MCMBP: variants seen among roughly 807,000 people sequenced by gnomAD.
MCMBP encodes minichromosome maintenance complex binding protein, also known as mini-chromosome maintenance complex-binding protein.
Under a neutral mutation model 81.3 loss-of-function variants are expected in MCMBP, and 31 were observed. That is an observed-to-expected ratio of 0.38 (90% CI 0.29 to 0.51). The LOEUF (loss-of-function observed/expected upper bound fraction) is 0.51, where lower values mean the gene tolerates loss of function less well. Among genes scored for constraint, MCMBP ranks in the 20% least tolerant of loss-of-function variants. The probability of loss-of-function intolerance (pLI) is 0.87; values close to 1 mark genes in which losing one functional copy is unlikely to be tolerated. For missense variants in MCMBP, 645 were observed against 772.1 expected, an observed-to-expected ratio of 0.84 and a Z score of 1.95; for synonymous variants, 267 against 275.9, an observed-to-expected ratio of 0.97 and a Z score of 0.32.
Position 119,859,866 on chromosome 10 carries a change from G to C in MCMBP, c.77C>G (p.Pro26Arg). The C allele has an allele frequency of 6.2e-7, 1 of 1,612,172 alleles. No individual in the cohort carries two copies. The highest frequency in any genetic ancestry group is 8.5e-7 in the Non-Finnish European group (1 of 1,179,226). The change falls in exon 2 of 16, where the codon CCT becomes CGT. Residue 26 changes from proline (P) to arginine (R), a missense_variant. Coordinates refer to ENST00000369077, the MANE Select transcript of MCMBP (RefSeq NM_001256378.2). ...CTCAATTACTTTCTTCTCCCAGTCA[G>C]GATTAACTCCATTTTGGGCTGAAAG... ...QGFFAQNGVN[P>R]DWEKKVIEYF... is the part of the protein sequence containing the mutation.
intron 1 of MCMBP, among the ~76,000 whole-genome samples, chr10:119,867,242 G>A (rs935930667): frequency 3.4e-5 from 4 of 118,700 alleles, no homozygotes; most frequent in Admixed American, 1.2e-4. Flanking sequence ...GCAGTGAGCC[G>A]AAATCGCACC....
intron 14 of MCMBP, among the ~76,000 whole-genome samples, chr10:119,834,432 C>T (rs1200530496): frequency 3.3e-5 from 5 of 152,074 alleles, no homozygotes; most frequent in East Asian, 1.9e-4. Context: ...AGGACATATT[C>T]GAAATGATGA....
At position 119,842,878 on chromosome 10, in the gene MCMBP, C is replaced by T. The variant is rs995148053; in HGVS notation, c.1001-283G>A. 6.9e-5 allele frequency: 26 copies of T among 374,168 alleles called. No homozygotes were observed. The East Asian group carries it at 1.1e-3, about 17-fold the overall frequency. The allele number at this position is 374,168 out of a possible 1,614,324, so 23.2% of individuals were successfully genotyped here. ...CTCCAGTTCTCCTGCCTCAGCCTCC[C>T]GAGTAGCTGGGATTACAGGCACACG... On this transcript the variant is annotated intron_variant, in intron 9 of 15. Transcript: ENST00000369077.
At position 119,831,419 on chromosome 10, in the gene MCMBP, A is replaced by C; in HGVS notation, c.*55T>G. Reference sequence around the variant, plus strand: ...CAATGTGGTATAAATGAATATCTGAATTTTACAATTATGTGGCTACAGTTT... The same window carrying C: ...CAATGTGGTATAAATGAATATCTGACTTTTACAATTATGTGGCTACAGTTT... On this transcript the variant is annotated 3_prime_UTR_variant, in exon 16 of 16. Coordinates refer to ENST00000369077, the MANE Select transcript of MCMBP (RefSeq NM_001256378.2). The C allele has an allele frequency of 6.3e-7, 1 of 1,599,270 alleles. No individual in the cohort carries two copies. The highest frequency in any genetic ancestry group is 8.5e-7 in the Non-Finnish European group (1 of 1,171,096).
At position 119,869,446 on chromosome 10, in the gene MCMBP, C is replaced by T. The variant is rs1589804767; in HGVS notation, c.58+3081G>A. Reference sequence around the variant, plus strand: ...AATTAGCTGGGCATGGTGGCATGCACCTGTAATCCCAGCTACTCAGGGGGC... The same window carrying T: ...AATTAGCTGGGCATGGTGGCATGCATCTGTAATCCCAGCTACTCAGGGGGC... On this transcript the variant is annotated intron_variant, in intron 1 of 15. Coordinates refer to ENST00000369077, the MANE Select transcript of MCMBP (RefSeq NM_001256378.2). Among the ~76,000 whole-genome samples, 9 of 152,264 alleles carry T rather than the reference C, an allele frequency of 5.9e-5. No homozygotes were observed. The South Asian group carries it at 1.9e-3, about 32-fold the overall frequency.
Position 119,872,668 on chromosome 10 carries a change from CT to C in MCMBP, c.-85del. 1 of 706,116 alleles carries C rather than the reference CT, an allele frequency of 1.4e-6. No individual in the cohort carries two copies. The highest frequency in any genetic ancestry group is 1.8e-6 in the Non-Finnish European group (1 of 542,220). The allele number at this position is 706,116 out of a possible 1,614,324, so 43.7% of individuals were successfully genotyped here. The stretch of plus-strand genomic sequence containing the variant: ...GCCGGGCGGCCGGCGCCCAGCTCCT[CT>C]TCAGCGGCTCGGCCGCTCCTCGCCC... On this transcript the variant is annotated 5_prime_UTR_variant, in exon 1 of 16. Transcript: ENST00000369077.
chr10:119,852,942 T>C (rs529690643), intron 6 of MCMBP, 108 bp downstream of exon 6: 7 of 1,345,484 alleles, frequency 5.2e-6, no homozygotes, highest in East Asian at 2.3e-5. Context: ...GTAACTCTGA[T>C]AAATTGCCAG....
chr10:119,851,714 T>C (rs529819793), intron 6 of MCMBP, among the ~76,000 whole-genome samples: 1 of 152,350 alleles, frequency 6.6e-6, no homozygotes, highest in Non-Finnish European at 1.5e-5. Context: ...ACGACATTTA[T>C]ATGTATTTAT....
intron 12 of MCMBP, among the ~76,000 whole-genome samples, chr10:119,837,991 C>G (rs896471757): frequency 6.6e-6 from 1 of 151,802 alleles, no homozygotes; most frequent in Non-Finnish European, 1.5e-5. Context: ...GGCAACATAG[C>G]GAGACCCTGT....
chr10:119,869,536 C>T (rs113416614), intron 1 of MCMBP, among the ~76,000 whole-genome samples: 8,861 of 150,742 alleles, frequency 0.059, 275 homozygotes, highest in Non-Finnish European at 0.075. Flanking sequence ...TGTAACACTG[C>T]GCCCTAGCCT....
chr10:119,840,169 T>C (rs568258358), intron 11 of MCMBP, among the ~76,000 whole-genome samples: 1 of 152,330 alleles, frequency 6.6e-6, no homozygotes, highest in East Asian at 1.9e-4. Flanking sequence ...TATGAACACA[T>C]TTTTCAGAGT....
At chr10:119,862,110 A>G (rs1192891175) in intron 1 of MCMBP, among the ~76,000 whole-genome samples, 1 of 152,130 alleles carries the variant, frequency 6.6e-6, no homozygotes, top group Non-Finnish European at 1.5e-5. Context: ...AGTTCGAGAC[A>G]AGTCTGGTCA....
chr10:119,859,008 A>G (rs1253559209), intron 3 of MCMBP, 33 bp downstream of exon 3: 2 of 1,611,760 alleles, frequency 1.2e-6, no homozygotes, highest in South Asian at 2.2e-5. Context: ...GACAAAATTA[A>G]TACCACAAAT....
intron 1 of MCMBP, among the ~76,000 whole-genome samples, chr10:119,865,114 G>T (rs1853406881): frequency 1.4e-5 from 2 of 139,664 alleles, no homozygotes; most frequent in South Asian, 7.0e-4. Flanking sequence ...ACTGAGAGAG[G>T]AGTAGTAAAA....
At chr10:119,859,916 G>A (rs1271019571) in intron 1 of MCMBP, 32 bp from the exon 2 acceptor site, 2 of 1,483,242 alleles carry the variant, frequency 1.3e-6, no homozygotes, top group Non-Finnish European at 9.4e-7. Flanking sequence ...CAAAGCTAAT[G>A]TACATGCAAT....
chr10:119,841,387 A>G (rs188896263), intron 10 of MCMBP, among the ~76,000 whole-genome samples: 3 of 152,366 alleles, frequency 2.0e-5, no homozygotes, highest in South Asian at 2.1e-4. Flanking sequence ...TTGAGAAAAG[A>G]TAAGATTTAC....
At chr10:119,865,290 C>G (rs931166628) in intron 1 of MCMBP, among the ~76,000 whole-genome samples, 2 of 152,206 alleles carry the variant, frequency 1.3e-5, no homozygotes, top group African/African-American at 4.8e-5. Flanking sequence ...TCTCACACAA[C>G]CTTTCTTAAA....
At chr10:119,834,593 G>C (rs2134336303) in intron 14 of MCMBP, among the ~76,000 whole-genome samples, 1 of 152,032 alleles carries the variant, frequency 6.6e-6, no homozygotes, top group Non-Finnish European at 1.5e-5. Context: ...AAGGAGAGAG[G>C]ATCACTTGAA....
rs1247535999 is a variant in MCMBP at position 119,860,553 on chromosome 10, T to G, written c.59-669A>C. Among the ~76,000 whole-genome samples, 8 of 152,176 alleles carry G rather than the reference T, an allele frequency of 5.3e-5. No homozygotes were observed. The South Asian group carries it at 1.7e-3, about 31-fold the overall frequency. On this transcript the variant is annotated intron_variant, in intron 1 of 15. Coordinates refer to ENST00000369077, the MANE Select transcript of MCMBP (RefSeq NM_001256378.2). ...TTATTTAATCTACCATCTATATTCC[T>G]ATTTATCATATGACCCAATACTATC...
Sources: allele counts gnomAD v4.1 joint callset (sites outside exome capture counted in the v4.1 genomes callset), GRCh38; gene constraint gnomAD v4.1.1; transcripts MANE v1.5; gene names NCBI Gene and HGNC (gene_info 2026-07-23, HGNC 2026-07-21).